Variants in COL4A6 observed in about 807,000 individuals in gnomAD.
The protein encoded by COL4A6 is collagen alpha-6(IV) chain.
Under a neutral mutation model 126.7 loss-of-function variants are expected in COL4A6, and 59 were observed. The observed-to-expected ratio is 0.47, with a 90% CI of 0.38 to 0.58. COL4A6 has a LOEUF of 0.58. Ranked by LOEUF, COL4A6 falls within the 20% of genes least tolerant of loss-of-function variation. The probability of loss-of-function intolerance (pLI) is 0.00; values close to 1 mark genes in which losing one functional copy is unlikely to be tolerated. For synonymous variants in COL4A6, 547 were observed against 496.6 expected (o/e 1.10, Z -1.35); for missense variants, 1,285 against 1,337.3 (o/e 0.96, Z 0.61).
chrX:108,342,918 A>T (rs2039601889), intron 2 of COL4A6, among the ~76,000 whole-genome samples: 1 of 109,191 alleles, frequency 9.2e-6, no homozygotes, highest in Non-Finnish European at 1.9e-5. Flanking sequence ...TCTACTGGGG[A>T]TACAGTGGAA....
rs746764903 is a variant in COL4A6 at position 108,159,783 on chromosome X, G to T, written c.4526-35C>A. 4 of 1,204,782 alleles carry T rather than the reference G, an allele frequency of 3.3e-6. No homozygotes were observed. The Admixed American group carries it at 8.7e-5, about 26-fold the overall frequency. On this transcript the variant is annotated intron_variant, in intron 43 of 44. Coordinates refer to ENST00000334504, the MANE Select transcript of COL4A6 (RefSeq NM_033641.4). ...GAGAAAGTGGGCAAGGGCAGGGGAGGTCTGGCTGAGGGGCTTTGACGAGAT... is the reference window on the plus strand; with the variant it reads ...GAGAAAGTGGGCAAGGGCAGGGGAGTTCTGGCTGAGGGGCTTTGACGAGAT...
At chrX:108,228,636 T>C (rs56146737) in intron 3 of COL4A6, among the ~76,000 whole-genome samples, 5,089 of 112,059 alleles carry the variant, frequency 0.045, 247 homozygotes, top group African/African-American at 0.14. Flanking sequence ...AAACATGTCC[T>C]TCACATGGTG....
At chrX:108,327,864 C>T (rs1227012104) in intron 2 of COL4A6, among the ~76,000 whole-genome samples, 1 of 110,546 alleles carries the variant, frequency 9.0e-6, no homozygotes, top group Non-Finnish European at 1.9e-5. Context: ...ACTCAGAAGT[C>T]ATTCTGAATA....
chrX:108,190,849 T>C (rs907061153), intron 19 of COL4A6, among the ~76,000 whole-genome samples: 1 of 112,434 alleles, frequency 8.9e-6, no homozygotes, highest in Non-Finnish European at 1.9e-5. Flanking sequence ...CAAGCCGCAG[T>C]GGACATGGGC....
chrX:108,285,817 T>C (rs2037990206), intron 3 of COL4A6, among the ~76,000 whole-genome samples: 1 of 111,723 alleles, frequency 9.0e-6, no homozygotes, highest in East Asian at 2.8e-4. Flanking sequence ...AAAGGACCAA[T>C]AAGTTGTAAC....
intron 2 of COL4A6, among the ~76,000 whole-genome samples, chrX:108,329,844 G>A (rs899161380): frequency 3.6e-5 from 4 of 111,118 alleles, no homozygotes; most frequent in Non-Finnish European, 7.5e-5. Flanking sequence ...TTTGTGGGAA[G>A]GGAAGGAAAA....
chrX:108,293,295 T>G (rs1176157448), intron 3 of COL4A6, among the ~76,000 whole-genome samples: 1 of 111,677 alleles, frequency 9.0e-6, no homozygotes, highest in Non-Finnish European at 1.9e-5. Context: ...CTCACAAAAC[T>G]GTTGTAAGAA....
chrX:108,194,713 T>C, intron 15 of COL4A6, 126 bp from the exon 16 acceptor site: 1 of 642,800 alleles, frequency 1.6e-6, no homozygotes, highest in Non-Finnish European at 2.4e-6. Flanking sequence ...ATGTGGCTTC[T>C]ATCTGACTCT....
In COL4A6 at chrX:108,264,734, G is replaced by A. The variant is rs146429692; in HGVS notation, c.145-43360C>T. ...GAACAAAGAACTGCAGGGAGACAGAGTTTTTGCCTCTTGGTAACCTACAAA... is the reference window on the plus strand; with the variant it reads ...GAACAAAGAACTGCAGGGAGACAGAATTTTTGCCTCTTGGTAACCTACAAA... On this transcript the variant is annotated intron_variant, in intron 3 of 44. Transcript: ENST00000334504. Among the ~76,000 whole-genome samples, 430 of 111,896 alleles carry A rather than the reference G, an allele frequency of 3.8e-3. 1 individual carries two copies. The highest frequency in any genetic ancestry group is 0.014 in the African/African-American group (419 of 30,882).
intron 3 of COL4A6, among the ~76,000 whole-genome samples, chrX:108,255,294 T>C (rs2036971307): frequency 9.2e-6 from 1 of 108,529 alleles, no homozygotes; most frequent in African/African-American, 3.4e-5. Flanking sequence ...AGCCTGCTGT[T>C]TGAATTGGAC....
Position 108,316,452 on chromosome X carries a change from G to A in COL4A6, c.64-5624C>T, listed in dbSNP as rs147008922. On this transcript the variant is annotated intron_variant, in intron 2 of 44. Transcript: ENST00000334504. Reference sequence around the variant, plus strand: ...GAAACTAAATTGGGTAAGAGGGTAGGAAGTGTTGGGGTTAGGTTGTTATTT... The same window carrying A: ...GAAACTAAATTGGGTAAGAGGGTAGAAAGTGTTGGGGTTAGGTTGTTATTT... Among the ~76,000 whole-genome samples the A allele has an allele frequency of 8.7e-3, 969 of 111,783 alleles. 4 individuals carry two copies. The highest frequency in any genetic ancestry group is 0.011 in the Non-Finnish European group (598 of 53,180).
chrX:108,176,185 C>T (rs1466879837), intron 28 of COL4A6, among the ~76,000 whole-genome samples: 14 of 109,178 alleles, frequency 1.3e-4, no homozygotes, highest in African/African-American at 4.0e-4. Flanking sequence ...ATTAGCTGGG[C>T]GTGGTAGCGG....
intron 40 of COL4A6, among the ~76,000 whole-genome samples, chrX:108,163,754 G>T (rs1175635145): frequency 2.7e-5 from 3 of 112,398 alleles, no homozygotes; most frequent in Non-Finnish European, 5.6e-5. Context: ...CTGTTTTAGA[G>T]AATGATCAGT....
intron 3 of COL4A6, among the ~76,000 whole-genome samples, chrX:108,253,249 C>CAT (rs889580862): frequency 3.6e-5 from 4 of 111,277 alleles, no homozygotes; most frequent in African/African-American, 1.3e-4. Context: ...ATAAAAAAAC[C>CAT]ATAGAGACTC....
At chrX:108,345,741 C>A in intron 2 of COL4A6, among the ~76,000 whole-genome samples, 1 of 111,510 alleles carries the variant, frequency 9.0e-6, no homozygotes, top group Non-Finnish European at 1.9e-5. Context: ...TGTAGTGGCA[C>A]GCTGCCTCCT....
In COL4A6 at chrX:108,176,859, C is replaced by A; in HGVS notation, c.2668G>T (p.Ala890Ser). 1 of 1,208,717 alleles carries A rather than the reference C, an allele frequency of 8.3e-7. No individual in the cohort carries two copies. The highest frequency in any genetic ancestry group is 1.1e-6 in the Non-Finnish European group (1 of 894,584). The change falls in exon 28 of 45, where the codon GCC (alanine) becomes TCC (serine). Residue 890 changes from alanine (A) to serine (S), a missense_variant. Physicochemically the swap from Ala to Ser is moderately conservative, Grantham distance 99 (BLOSUM62 1). Coordinates refer to ENST00000334504, the MANE Select transcript of COL4A6 (RefSeq NM_033641.4). ...PGSPGVAGLP[A>S]LSGPKGEKGS... ...CACTTACCCTTGGGTCCAGAGAGGG[C>A]TGGCAACCCAGCGACCCCTGGAGAG...
chrX:108,202,119 T>C (rs2035406509), intron 13 of COL4A6, among the ~76,000 whole-genome samples: 1 of 111,554 alleles, frequency 9.0e-6, no homozygotes, highest in Non-Finnish European at 1.9e-5. Flanking sequence ...TGCTCTCTCA[T>C]AATATGCAGG....
chrX:108,298,966 C>T (rs1350860860), intron 3 of COL4A6, among the ~76,000 whole-genome samples: 1 of 111,259 alleles, frequency 9.0e-6, no homozygotes, highest in Non-Finnish European at 1.9e-5. Context: ...GACCCCAGTT[C>T]TGATAATGGA....
chrX:108,392,172 G>T (rs1317467456), intron 2 of COL4A6, among the ~76,000 whole-genome samples: 1 of 111,885 alleles, frequency 8.9e-6, no homozygotes, highest in Non-Finnish European at 1.9e-5. Context: ...ACTTTTAGAA[G>T]AAAACATATA....
Sources: gnomAD v4.1 joint callset for allele counts (sites outside exome capture counted in the v4.1 genomes callset) on GRCh38, gnomAD v4.1.1 for gene constraint, MANE v1.5 for transcripts, NCBI Gene and HGNC (gene_info 2026-07-23, HGNC 2026-07-21) for gene names.